Variants in RELB observed in about 807,000 individuals in gnomAD.
RELB encodes the protein RELB proto-oncogene, NF-kB subunit.
Under a neutral mutation model 55.4 loss-of-function variants are expected in RELB, and 14 were observed. The observed-to-expected ratio is 0.25, with a 90% CI of 0.17 to 0.40. The LOEUF is 0.40. Among genes scored for constraint, RELB ranks in the 10% least tolerant of loss-of-function variants. RELB has a pLI of 1.00. For missense variants in RELB, 669 were observed against 830.7 expected, an observed-to-expected ratio of 0.81 and a Z score of 2.39; for synonymous variants, 409 against 371.3, an observed-to-expected ratio of 1.10 and a Z score of -1.17.
chr19:45,001,961 A>C (rs1402318829), intron 1 of RELB, among the ~76,000 whole-genome samples: 1 of 149,544 alleles, frequency 6.7e-6, no homozygotes, highest in Non-Finnish European at 1.5e-5. Flanking sequence ...GACTCAGAGA[A>C]GGCGGAGCGA....
At chr19:45,021,887 A>T in intron 4 of RELB, 166 bp from the exon 5 acceptor site, 1 of 677,688 alleles carries the variant, frequency 1.5e-6, no homozygotes, top group Non-Finnish European at 2.3e-6. Context: ...AAGTGGTCTT[A>T]AGCAAACACA....
chr19:45,017,892 G>A (rs1384086011), intron 4 of RELB, among the ~76,000 whole-genome samples: 3 of 149,358 alleles, frequency 2.0e-5, no homozygotes, highest in East Asian at 4.1e-4. Context: ...TGATCCACCC[G>A]CCTCAGCCTC....
At chr19:45,003,397 C>A (rs1255258991) in intron 2 of RELB, among the ~76,000 whole-genome samples, 1 of 143,140 alleles carries the variant, frequency 7.0e-6, no homozygotes, top group Non-Finnish European at 1.5e-5. Flanking sequence ...ATGGCGTGAA[C>A]CTGGGAGGCG....
intron 5 of RELB, 49 bp downstream of exon 5, chr19:45,022,259 T>G: frequency 6.7e-7 from 1 of 1,499,776 alleles, no homozygotes; most frequent in Non-Finnish European, 9.0e-7. Flanking sequence ...ATGGAGATTC[T>G]AAGCGACTGG....
rs560459615 is a variant in RELB at position 45,007,782 on chromosome 19, C to A, written c.155-2032C>A. Among the ~76,000 whole-genome samples the A allele has an allele frequency of 2.3e-3, 353 of 151,462 alleles. 2 individuals carry two copies. The highest frequency in any genetic ancestry group is 4.0e-3 in the Non-Finnish European group (268 of 67,818). On this transcript the variant is annotated intron_variant, in intron 2 of 11. Coordinates refer to ENST00000221452, the MANE Select transcript of RELB (RefSeq NM_006509.4). ...CTGAGGCAGGAGAATCGCTAGAACC[C>A]GGGAGGCAGAGGTTGCAGTGAGCCA...
At chr19:45,030,874 G>A (rs1318411183) in intron 8 of RELB, among the ~76,000 whole-genome samples, 1 of 152,190 alleles carries the variant, frequency 6.6e-6, no homozygotes, top group Admixed American at 6.6e-5. Flanking sequence ...AGAGTTGGTA[G>A]TGAAGAGTTC....
chr19:45,029,749 C>G (rs1971599084), intron 8 of RELB, among the ~76,000 whole-genome samples: 1 of 152,060 alleles, frequency 6.6e-6, no homozygotes, highest in Non-Finnish European at 1.5e-5. Flanking sequence ...ACTCGGGAGG[C>G]TGAGGCAGGA....
At chr19:45,032,435 A>G in intron 8 of RELB, 99 bp from the exon 9 acceptor site, 1 of 993,572 alleles carries the variant, frequency 1.0e-6, no homozygotes. Flanking sequence ...AATTTTAAAA[A>G]GGGGGAATAT....
At position 45,025,350 on chromosome 19, in the gene RELB, G is replaced by T; in HGVS notation, c.684G>T (p.Gln228His). The T allele has an allele frequency of 6.2e-7, 1 of 1,612,348 alleles. No homozygotes were observed. The highest frequency in any genetic ancestry group is 8.5e-7 in the Non-Finnish European group (1 of 1,179,322). Residue 228 changes from glutamine to histidine, a missense_variant, in exon 6 of 12, where the codon CAG (glutamine) becomes CAT (histidine). Gln to His is a conservative substitution (Grantham distance 24). Around this residue, in one of 3 missense-constraint regions of RELB, gnomAD observed 323 missense variants for 368.5 expected, o/e 0.88. Coordinates refer to ENST00000221452, the MANE Select transcript of RELB (RefSeq NM_006509.4). ...TCAGTTTTAACAACCTGGGCATCCA[G>T]TGTGTGAGGAAGAAGGAGATTGAGG... ...PRHSFNNLGIQCVRKKEIEAA... is the reference protein window; with the variant it reads ...PRHSFNNLGIHCVRKKEIEAA...
At chr19:45,024,547 G>T (rs1971534389) in intron 5 of RELB, among the ~76,000 whole-genome samples, 1 of 151,652 alleles carries the variant, frequency 6.6e-6, no homozygotes, top group Non-Finnish European at 1.5e-5. Context: ...AAGAACCTTT[G>T]ACATGCTTAT....
intron 2 of RELB, chr19:45,008,726 G>A (rs1026296649): frequency 3.0e-6 from 1 of 337,930 alleles, no homozygotes; most frequent in South Asian, 2.2e-5. Flanking sequence ...GAACAGGTTC[G>A]CGTCTATAAA....
intron 1 of RELB, among the ~76,000 whole-genome samples, chr19:45,001,983 G>C (rs2122373169): frequency 6.6e-6 from 1 of 151,536 alleles, no homozygotes. Flanking sequence ...AGCTGCTCTT[G>C]GGCGGTATCG....
chr19:45,009,696 G>A (rs752357065), intron 2 of RELB, 118 bp from the exon 3 acceptor site: 25 of 1,186,592 alleles, frequency 2.1e-5, no homozygotes, highest in Non-Finnish European at 2.9e-5. Context: ...TTCCCAGGAC[G>A]GAGGAAGACG....
At position 45,008,404 on chromosome 19, in the gene RELB, C is replaced by A. The variant is rs141635714; in HGVS notation, c.155-1410C>A. 242 of 456,084 alleles carry A rather than the reference C, an allele frequency of 5.3e-4. 3 individuals carry two copies. In the East Asian group the frequency reaches 0.01, roughly 20 times the overall value. The allele number at this position is 456,084 out of a possible 1,614,324, so 28.3% of individuals were successfully genotyped here. On this transcript the variant is annotated intron_variant, in intron 2 of 11. Coordinates refer to ENST00000221452, the MANE Select transcript of RELB (RefSeq NM_006509.4). ...CCGCCCAGGACTCAGTCTCCCCCTACAGCCCGGGAGCCTCTGGAGGGTCCA... is the reference window on the plus strand; with the variant it reads ...CCGCCCAGGACTCAGTCTCCCCCTAAAGCCCGGGAGCCTCTGGAGGGTCCA...
chr19:45,024,455 C>A (rs1436958068), intron 5 of RELB, among the ~76,000 whole-genome samples: 1 of 152,050 alleles, frequency 6.6e-6, no homozygotes, highest in East Asian at 1.9e-4. Context: ...AGCCACCACG[C>A]CCGGCCTGAA....
intron 4 of RELB, among the ~76,000 whole-genome samples, chr19:45,017,153 C>A (rs1317273396): frequency 2.0e-5 from 3 of 152,052 alleles, no homozygotes; most frequent in African/African-American, 7.2e-5. Flanking sequence ...ATTTTATAGG[C>A]TTGGGCTTTA....
intron 4 of RELB, 111 bp downstream of exon 4, chr19:45,012,387 T>A: frequency 1.6e-6 from 1 of 638,092 alleles, no homozygotes. Context: ...TTGTTATTGT[T>A]GGACCAGATA....
At chr19:45,008,605 G>A in intron 2 of RELB, 1 of 453,232 alleles carries the variant, frequency 2.2e-6, no homozygotes, top group Non-Finnish European at 4.4e-6. Flanking sequence ...CACCCTACTG[G>A]CTTCACAGAT....
intron 4 of RELB, among the ~76,000 whole-genome samples, chr19:45,019,651 C>T (rs1971459783): frequency 6.6e-6 from 1 of 152,088 alleles, no homozygotes; most frequent in Non-Finnish European, 1.5e-5. Flanking sequence ...ATTAGTCTCT[C>T]TCCTTCTCTC....
Sources: allele counts gnomAD v4.1 joint callset (sites outside exome capture counted in the v4.1 genomes callset), GRCh38; gene constraint gnomAD v4.1.1; regional missense constraint gnomAD v4.1.1; transcripts MANE v1.5; gene names NCBI Gene and HGNC (gene_info 2026-07-23, HGNC 2026-07-21).